The following OSBPL8 variants were observed in gnomAD, a reference collection of about 807,000 sequenced individuals.
The protein encoded by OSBPL8 is oxysterol binding protein like 8.
In OSBPL8, 59 loss-of-function variants were observed where a neutral mutation model predicts 125.5. The observed-to-expected ratio is 0.47, with a 90% CI of 0.38 to 0.58. OSBPL8 has a LOEUF of 0.58. Among genes scored for constraint, OSBPL8 ranks in the 20% least tolerant of loss-of-function variants. OSBPL8 has a pLI of 0.00. For missense variants in OSBPL8, 758 were observed against 1,047.8 expected, an observed-to-expected ratio of 0.72 and a Z score of 3.82; for synonymous variants, 330 against 338.9, an observed-to-expected ratio of 0.97 and a Z score of 0.29.
At chr12:76,477,981 A>G (rs1877018530) in intron 2 of OSBPL8, among the ~76,000 whole-genome samples, 2 of 152,100 alleles carry the variant, frequency 1.3e-5, no homozygotes, top group African/African-American at 2.4e-5. Context: ...AGGAGGGTGG[A>G]TCACCTGAGG....
chr12:76,520,770 A>C (rs1483417897), intron 1 of OSBPL8, among the ~76,000 whole-genome samples: 1 of 152,176 alleles, frequency 6.6e-6, no homozygotes, highest in Non-Finnish European at 1.5e-5. Flanking sequence ...AAGAAAAAAA[A>C]ATTAAGTCAA....
Position 76,464,750 on chromosome 12 carries a change from C to T in OSBPL8, c.43-4855G>A, listed in dbSNP as rs971797668. On this transcript the variant is annotated intron_variant, in intron 2 of 23. Transcript: ENST00000261183. ...AGCACTTCCCTCTTAATATACATCA[C>T]GGCTTGATTTAAGTCATCTGACTCA... Among the ~76,000 whole-genome samples, 4 of 152,276 alleles carry T rather than the reference C, an allele frequency of 2.6e-5. No homozygotes were observed. In the East Asian group the frequency reaches 5.8e-4, roughly 22 times the overall value.
intron 4 of OSBPL8, among the ~76,000 whole-genome samples, chr12:76,439,383 A>G (rs1871899467): frequency 6.6e-6 from 1 of 152,110 alleles, no homozygotes; most frequent in Non-Finnish European, 1.5e-5. Flanking sequence ...CATCTCCAAA[A>G]AAAAAAAAGA....
intron 1 of OSBPL8, among the ~76,000 whole-genome samples, chr12:76,518,443 G>C (rs1881762002): frequency 6.6e-6 from 1 of 152,150 alleles, no homozygotes; most frequent in African/African-American, 2.4e-5. Context: ...CCAGGCTCAG[G>C]GTACAAGCTA....
chr12:76,514,301 C>G (rs1203975590), intron 1 of OSBPL8, among the ~76,000 whole-genome samples: 1 of 148,346 alleles, frequency 6.7e-6, no homozygotes, highest in Non-Finnish European at 1.5e-5. Flanking sequence ...CCTGCCACCA[C>G]GCCCAGCTAA....
intron 21 of OSBPL8, among the ~76,000 whole-genome samples, chr12:76,363,315 T>C (rs970943138): frequency 6.6e-6 from 1 of 152,162 alleles, no homozygotes. Context: ...AACAGATATA[T>C]AGACCGATGG....
At chr12:76,494,791 T>A (rs1055220552) in intron 1 of OSBPL8, among the ~76,000 whole-genome samples, 12 of 152,220 alleles carry the variant, frequency 7.9e-5, no homozygotes, top group African/African-American at 4.8e-5. Flanking sequence ...AAGTTTGATA[T>A]GTCTATTTCA....
intron 4 of OSBPL8, among the ~76,000 whole-genome samples, chr12:76,424,924 C>A (rs184200091): frequency 6.6e-6 from 1 of 152,212 alleles, no homozygotes; most frequent in Non-Finnish European, 1.5e-5. Context: ...CTGCAAAGCT[C>A]GAGATGAACA....
Position 76,355,208 on chromosome 12 carries a change from G to A in OSBPL8, c.*681C>T, listed in dbSNP as rs983075510. 2 of 152,290 alleles carry A rather than the reference G, an allele frequency of 1.3e-5. No homozygotes were observed. Among genetic ancestry groups the A allele is most frequent in the African/African-American group, 4.8e-5 (2 of 41,336 alleles). The allele number at this position is 152,290 out of a possible 1,614,324, so 9.4% of individuals were successfully genotyped here. ...CCAGTGTTTTTATACTGATATACAC[G>A]TAAGTATATATATTTACCTGCATCT... On this transcript the variant is annotated 3_prime_UTR_variant, in exon 24 of 24. Transcript: ENST00000261183.
chr12:76,478,816 T>A (rs1877118637), intron 2 of OSBPL8, among the ~76,000 whole-genome samples: 2 of 152,172 alleles, frequency 1.3e-5, no homozygotes. Context: ...CCGGGCACAG[T>A]GGCTCACACC....
intron 1 of OSBPL8, among the ~76,000 whole-genome samples, chr12:76,519,481 AG>A (rs556970140): frequency 1.7e-3 from 261 of 152,274 alleles, no homozygotes; most frequent in Non-Finnish European, 3.4e-3. Flanking sequence ...TTCCAATCAC[AG>A]CCCATTACCC....
At chr12:76,466,785 G>A (rs923617048) in intron 2 of OSBPL8, among the ~76,000 whole-genome samples, 3 of 151,874 alleles carry the variant, frequency 2.0e-5, no homozygotes, top group Admixed American at 6.6e-5. Context: ...CTGGTGAAAC[G>A]TCGTATCTAC....
At chr12:76,483,093 C>G (rs1244994776) in intron 2 of OSBPL8, among the ~76,000 whole-genome samples, 1 of 152,088 alleles carries the variant, frequency 6.6e-6, no homozygotes, top group African/African-American at 2.4e-5. Context: ...AACCCTGTCT[C>G]TACTAAAAAT....
chr12:76,382,453 TTG>T (rs1319150889), intron 15 of OSBPL8, among the ~76,000 whole-genome samples: 19 of 152,170 alleles, frequency 1.2e-4, no homozygotes, highest in Non-Finnish European at 5.9e-5. Context: ...GTTCTGTGCA[TTG>T]CAGGATGTTT....
chr12:76,460,616 C>T (rs2136826373), intron 2 of OSBPL8, among the ~76,000 whole-genome samples: 1 of 152,054 alleles, frequency 6.6e-6, no homozygotes, highest in East Asian at 1.9e-4. Context: ...TTTGGGAAGT[C>T]AGAAGACCCA....
At chr12:76,473,768 T>C (rs1876466884) in intron 2 of OSBPL8, among the ~76,000 whole-genome samples, 1 of 152,184 alleles carries the variant, frequency 6.6e-6, no homozygotes, top group Non-Finnish European at 1.5e-5. Context: ...CAAGGCCCTG[T>C]ATGATCTGAT....
chr12:76,487,034 T>TC, intron 2 of OSBPL8, among the ~76,000 whole-genome samples: 1 of 146,482 alleles, frequency 6.8e-6, no homozygotes, highest in African/African-American at 2.6e-5. Context: ...TTTTTTTTTT[T>TC]TTTTTTTTTT....
At chr12:76,384,214 C>A in intron 15 of OSBPL8, 40 bp downstream of exon 15, 1 of 1,201,740 alleles carries the variant, frequency 8.3e-7, no homozygotes, top group African/African-American at 1.5e-5. Flanking sequence ...GAAAATAATA[C>A]CTCCCAGGAG....
chr12:76,516,618 A>G (rs558484923), intron 1 of OSBPL8, among the ~76,000 whole-genome samples: 1 of 152,348 alleles, frequency 6.6e-6, no homozygotes, highest in South Asian at 2.1e-4. Context: ...GTCAAAGAAC[A>G]CTAAAACACA....
Sources: gnomAD v4.1 joint callset for allele counts (sites outside exome capture counted in the v4.1 genomes callset) on GRCh38, gnomAD v4.1.1 for gene constraint, MANE v1.5 for transcripts, NCBI Gene and HGNC (gene_info 2026-07-23, HGNC 2026-07-21) for gene names.